FANCC: variants seen among roughly 807,000 people sequenced by gnomAD.
FANCC encodes the protein Fanconi anemia group C protein.
In FANCC, 55 loss-of-function variants were observed where a neutral mutation model predicts 71.3. The ratio of observed to expected loss-of-function variants is 0.77; its 90% CI spans 0.62 to 0.97. The LOEUF (loss-of-function observed/expected upper bound fraction) is 0.97, where lower values mean the gene tolerates loss of function less well. Among genes scored for constraint, FANCC ranks in the 50% least tolerant of loss-of-function variants. FANCC has a pLI of 0.00. For synonymous variants in FANCC, 275 were observed against 244.9 expected, an observed-to-expected ratio of 1.12 and a Z score of -1.15; for missense variants, 678 against 670.9, an observed-to-expected ratio of 1.01 and a Z score of -0.12.
At chr9:95,102,443 G>A (rs73654529) in intron 14 of FANCC, among the ~76,000 whole-genome samples, 27 of 152,166 alleles carry the variant, frequency 1.8e-4, no homozygotes, top group Non-Finnish European at 2.6e-4. Flanking sequence ...TAAAAACTTC[G>A]GTTAAGAAAA....
At chr9:95,275,439 C>T (rs1257538065) in intron 1 of FANCC, among the ~76,000 whole-genome samples, 2 of 152,046 alleles carry the variant, frequency 1.3e-5, no homozygotes, top group East Asian at 3.9e-4. Context: ...TATATCTGTC[C>T]AAACCCATAG....
intron 7 of FANCC, among the ~76,000 whole-genome samples, chr9:95,136,737 G>A (rs1326851091): frequency 1.3e-5 from 2 of 152,054 alleles, no homozygotes; most frequent in African/African-American, 2.4e-5. Flanking sequence ...TCCTGCCTTG[G>A]CCTCCCAAAA....
intron 7 of FANCC, among the ~76,000 whole-genome samples, chr9:95,136,068 A>T (rs1034542934): frequency 6.6e-6 from 1 of 152,188 alleles, no homozygotes; most frequent in Non-Finnish European, 1.5e-5. Context: ...ACTAATTATA[A>T]TCGGTTGCTT....
intron 10 of FANCC, among the ~76,000 whole-genome samples, chr9:95,118,049 CCTT>C (rs2072569457): frequency 6.8e-6 from 1 of 146,624 alleles, no homozygotes; most frequent in Admixed American, 6.8e-5. Context: ...GATGGAGTCT[CCTT>C]CTGTTGCGCA....
At chr9:95,195,216 A>C (rs1333553828) in intron 4 of FANCC, among the ~76,000 whole-genome samples, 1 of 148,256 alleles carries the variant, frequency 6.7e-6, no homozygotes, top group Non-Finnish European at 1.5e-5. Flanking sequence ...AAAAAAAAAA[A>C]AAAAACCAAC....
At chr9:95,167,506 CTTTT>C (rs1344227751) in intron 6 of FANCC, among the ~76,000 whole-genome samples, 1 of 151,790 alleles carries the variant, frequency 6.6e-6, no homozygotes, top group African/African-American at 2.4e-5. Context: ...ATTCTTTTTT[CTTTT>C]TGTTTCTCTG....
At chr9:95,108,283 C>T (rs942519050) in intron 13 of FANCC, among the ~76,000 whole-genome samples, 10 of 152,232 alleles carry the variant, frequency 6.6e-5, no homozygotes, top group East Asian at 1.9e-4. Flanking sequence ...GGAGCGGCAG[C>T]GCTCCAGCAG....
chr9:95,150,665 T>A (rs1455817208), intron 6 of FANCC, among the ~76,000 whole-genome samples: 3 of 152,216 alleles, frequency 2.0e-5, no homozygotes, highest in African/African-American at 7.2e-5. Flanking sequence ...TGCTCAAAGC[T>A]TTGCAATGGC....
intron 4 of FANCC, among the ~76,000 whole-genome samples, chr9:95,180,609 G>A (rs1035728701): frequency 6.6e-6 from 1 of 151,302 alleles, no homozygotes; most frequent in Non-Finnish European, 1.5e-5. Context: ...AAAGCACTGG[G>A]ATTATAGGCA....
intron 4 of FANCC, among the ~76,000 whole-genome samples, chr9:95,202,087 C>T (rs1588273133): frequency 6.6e-6 from 1 of 152,272 alleles, no homozygotes; most frequent in East Asian, 1.9e-4. Flanking sequence ...CAAAAAACAG[C>T]CTAATAAGCT....
chr9:95,291,967 A>ATATATATATATAT (rs1554869938), intron 1 of FANCC, among the ~76,000 whole-genome samples: 8 of 50,424 alleles, frequency 1.6e-4, no homozygotes, highest in Admixed American at 6.9e-4. Context: ...AAAAAAAAAA[A>ATATATATATATAT]ATATATATAT....
intron 1 of FANCC, among the ~76,000 whole-genome samples, chr9:95,283,325 C>T (rs1039034791): frequency 6.6e-6 from 1 of 152,194 alleles, no homozygotes; most frequent in Non-Finnish European, 1.5e-5. Flanking sequence ...AGACAGGTGC[C>T]AGTGACAGGC....
intron 4 of FANCC, among the ~76,000 whole-genome samples, chr9:95,223,102 A>AT (rs1024891366): frequency 6.6e-6 from 1 of 152,182 alleles, no homozygotes; most frequent in African/African-American, 2.4e-5. Flanking sequence ...CATGGTTAAC[A>AT]TTTTTTTGTA....
At chr9:95,153,601 T>G (rs1029345838) in intron 6 of FANCC, among the ~76,000 whole-genome samples, 1 of 152,246 alleles carries the variant, frequency 6.6e-6, no homozygotes, top group Non-Finnish European at 1.5e-5. Context: ...TTTTTTCATA[T>G]GCTTGGCCAT....
intron 4 of FANCC, among the ~76,000 whole-genome samples, chr9:95,234,365 A>C (rs1830178037): frequency 6.6e-6 from 1 of 152,184 alleles, no homozygotes; most frequent in Non-Finnish European, 1.5e-5. Flanking sequence ...AACTGAGAAA[A>C]ACCAATTTTG....
chr9:95,234,915 C>T (rs1378920849), intron 4 of FANCC, among the ~76,000 whole-genome samples: 1 of 152,176 alleles, frequency 6.6e-6, no homozygotes, highest in Non-Finnish European at 1.5e-5. Flanking sequence ...CTCTCTTACT[C>T]GGGAGCATCA....
intron 4 of FANCC, among the ~76,000 whole-genome samples, chr9:95,192,241 TAGAC>T (rs1282303505): frequency 6.6e-6 from 1 of 152,160 alleles, no homozygotes; most frequent in Non-Finnish European, 1.5e-5. Context: ...CATCACCAGG[TAGAC>T]ATCGTGTTGC....
chr9:95,251,477 G>A (rs1429369201), intron 1 of FANCC, among the ~76,000 whole-genome samples: 5 of 151,850 alleles, frequency 3.3e-5, no homozygotes, highest in African/African-American at 1.2e-4. Flanking sequence ...AACCACGCCC[G>A]GCTAATTTTT....
At chr9:95,107,021 G>A in intron 14 of FANCC, 45 bp downstream of exon 14, 10 of 1,598,726 alleles carry the variant, frequency 6.3e-6, no homozygotes, top group Non-Finnish European at 8.6e-6. Flanking sequence ...CCTCTCGCCT[G>A]GAGCAGAAAT....
Sources: allele counts gnomAD v4.1 joint callset (sites outside exome capture counted in the v4.1 genomes callset), GRCh38; gene constraint gnomAD v4.1.1; transcripts MANE v1.5; gene names NCBI Gene and HGNC (gene_info 2026-07-23, HGNC 2026-07-21).